The following BCL2 variants were observed in gnomAD, a reference collection of about 807,000 sequenced individuals.
BCL2 encodes the protein apoptosis regulator Bcl-2.
A neutral mutation model predicts 14.2 loss-of-function variants in BCL2; 1 was observed. The observed-to-expected ratio is 0.07, with a 90% CI of 0.02 to 0.33. The LOEUF is 0.33. Among genes scored for constraint, BCL2 ranks in the 10% least tolerant of loss-of-function variants. The probability of loss-of-function intolerance (pLI) is 0.99; values close to 1 mark genes in which losing one functional copy is unlikely to be tolerated. For missense variants in BCL2, 247 were observed against 305.9 expected, an observed-to-expected ratio of 0.81 and a Z score of 1.44; for synonymous variants, 151 against 137.2, an observed-to-expected ratio of 1.10 and a Z score of -0.70.
intron 2 of BCL2, among the ~76,000 whole-genome samples, chr18:63,147,832 C>T (rs777564323): frequency 3.3e-5 from 5 of 152,180 alleles, no homozygotes; most frequent in Non-Finnish European, 2.9e-5. Flanking sequence ...TTATGGTTTT[C>T]ATCCCTATTC....
intron 2 of BCL2, among the ~76,000 whole-genome samples, chr18:63,308,664 T>C (rs1054348087): frequency 1.3e-5 from 2 of 152,214 alleles, no homozygotes; most frequent in African/African-American, 4.8e-5. Context: ...TTCAATTCAA[T>C]GAAAAGGATG....
intron 2 of BCL2, among the ~76,000 whole-genome samples, chr18:63,169,123 C>T (rs1416410789): frequency 6.6e-6 from 1 of 152,204 alleles, no homozygotes; most frequent in Non-Finnish European, 1.5e-5. Context: ...AGGCAGGCAC[C>T]TGATCATCCC....
At chr18:63,203,801 C>A (rs1237321032) in intron 2 of BCL2, among the ~76,000 whole-genome samples, 1 of 152,160 alleles carries the variant, frequency 6.6e-6, no homozygotes, top group Non-Finnish European at 1.5e-5. Context: ...GCTGTAAACA[C>A]AACAGAAATG....
intron 2 of BCL2, among the ~76,000 whole-genome samples, chr18:63,154,054 A>G (rs1914715356): frequency 6.6e-6 from 1 of 152,210 alleles, no homozygotes; most frequent in Non-Finnish European, 1.5e-5. Context: ...TCCATCAGGT[A>G]CATCAAACCC....
chr18:63,226,011 A>G (rs1910533870), intron 2 of BCL2, among the ~76,000 whole-genome samples: 2 of 152,136 alleles, frequency 1.3e-5, no homozygotes, highest in South Asian at 2.1e-4. Flanking sequence ...CAAACTGAAG[A>G]TGGTAAATAC....
chr18:63,189,830 G>A (rs1909238986), intron 2 of BCL2, among the ~76,000 whole-genome samples: 1 of 151,818 alleles, frequency 6.6e-6, no homozygotes, highest in Non-Finnish European at 1.5e-5. Context: ...TCTGAGGCTT[G>A]GTGAGATATT....
chr18:63,227,107 T>C (rs897234669), intron 2 of BCL2, among the ~76,000 whole-genome samples: 30 of 152,054 alleles, frequency 2.0e-4, no homozygotes, highest in African/African-American at 6.5e-4. Context: ...TCTAAATAAA[T>C]GACAGCCTGA....
chr18:63,150,433 G>A (rs984441485), intron 2 of BCL2, among the ~76,000 whole-genome samples: 3 of 152,238 alleles, frequency 2.0e-5, no homozygotes, highest in Non-Finnish European at 4.4e-5. Context: ...CCTGCCCAAC[G>A]GGCATTGTGA....
chr18:63,193,788 T>A (rs1251473089), intron 2 of BCL2, among the ~76,000 whole-genome samples: 1 of 152,144 alleles, frequency 6.6e-6, no homozygotes, highest in Middle Eastern at 3.2e-3. Flanking sequence ...ATCAAACATA[T>A]GGTTCTAAAA....
Position 63,149,931 on chromosome 18 carries a change from G to C in BCL2, c.586-21172C>G, listed in dbSNP as rs1272535184. 6.6e-6 allele frequency among the ~76,000 whole-genome samples: 1 copy of C among 151,952 alleles called. No individual in the cohort carries two copies. ...CCCTCTGTCAGTTACCCAGGCTGGA[G>C]TGCAGTGGTGCGATCTCGGCTCACT... On this transcript the variant is annotated intron_variant, in intron 2 of 2. Coordinates refer to ENST00000333681, the MANE Select transcript of BCL2 (RefSeq NM_000633.3). This position sits in a 1 kb window ranked among gnomAD's most constrained non-coding sequence, Gnocchi z 4.2.
chr18:63,256,380 C>A (rs1911476661), intron 2 of BCL2, among the ~76,000 whole-genome samples: 1 of 152,152 alleles, frequency 6.6e-6, no homozygotes, highest in South Asian at 2.1e-4. Flanking sequence ...CCACACCCAG[C>A]TAATTTTTGT....
chr18:63,153,629 G>C (rs1914704881), intron 2 of BCL2, among the ~76,000 whole-genome samples: 2 of 152,210 alleles, frequency 1.3e-5, no homozygotes, highest in African/African-American at 4.8e-5. Context: ...TGGAAGTAGA[G>C]TTCTGGAGTT....
chr18:63,278,798 G>A (rs1912229151), intron 2 of BCL2, among the ~76,000 whole-genome samples: 1 of 152,100 alleles, frequency 6.6e-6, no homozygotes, highest in African/African-American at 2.4e-5. Context: ...AAGACTTATA[G>A]AGCTATAAGT....
At chr18:63,238,642 T>C (rs1235092431) in intron 2 of BCL2, among the ~76,000 whole-genome samples, 1 of 152,240 alleles carries the variant, frequency 6.6e-6, no homozygotes, top group African/African-American at 2.4e-5. Context: ...CATTCATAAA[T>C]ACATGGTGGG....
chr18:63,315,564 G>C (rs901923118), intron 2 of BCL2: 2 of 152,234 alleles, frequency 1.3e-5, no homozygotes, highest in Non-Finnish European at 2.9e-5. Flanking sequence ...GTATTCAGGA[G>C]ATGGGCTAAT....
intron 2 of BCL2, among the ~76,000 whole-genome samples, chr18:63,187,753 C>A (rs980729782): frequency 1.3e-5 from 2 of 152,222 alleles, no homozygotes; most frequent in African/African-American, 4.8e-5. Context: ...ACACGTGGAG[C>A]TGTGGAAATC....
In BCL2 at chr18:63,173,349, C is replaced by T. The variant is rs548609308; in HGVS notation, c.586-44590G>A. On this transcript the variant is annotated intron_variant, in intron 2 of 2. Transcript: ENST00000333681. ...CGTTAAAATACACACAAGCCAAAAA[C>T]ACCGACTCTACCTGAACATTTTGGG... Among the ~76,000 whole-genome samples, 7 of 152,310 alleles carry T rather than the reference C, an allele frequency of 4.6e-5. No individual in the cohort carries two copies. In the East Asian group the frequency reaches 1.3e-3, roughly 29 times the overall value.
At chr18:63,302,324 AAG>A (rs1354624403) in intron 2 of BCL2, 2 of 978,680 alleles carry the variant, frequency 2.0e-6, no homozygotes, top group Non-Finnish European at 2.4e-6. Context: ...AAGAGAGAGA[AAG>A]AGAGAAAGAG....
At chr18:63,304,801 C>G (rs190373903) in intron 2 of BCL2, among the ~76,000 whole-genome samples, 77 of 152,240 alleles carry the variant, frequency 5.1e-4, no homozygotes, top group African/African-American at 1.7e-3. Flanking sequence ...ACTACACTTA[C>G]GGGCACTTCC....
Sources: allele counts gnomAD v4.1 joint callset (sites outside exome capture counted in the v4.1 genomes callset), GRCh38; gene constraint gnomAD v4.1.1; non-coding constraint Gnocchi (gnomAD v3.1); transcripts MANE v1.5; gene names NCBI Gene and HGNC (gene_info 2026-07-23, HGNC 2026-07-21).